TSHZ2: variants seen among roughly 807,000 people sequenced by gnomAD.
TSHZ2 encodes the protein teashirt homolog 2.
TSHZ2 carries 21 observed loss-of-function variants against 74.4 expected under a neutral mutation model. That is an observed-to-expected ratio of 0.28 (90% confidence interval 0.20 to 0.41). The LOEUF (loss-of-function observed/expected upper bound fraction) is 0.41. Among genes scored for constraint, TSHZ2 ranks in the 10% least tolerant of loss-of-function variants. The pLI is 1.00. For synonymous variants in TSHZ2, 540 were observed against 515.3 expected (o/e 1.05, Z -0.65); for missense variants, 1,244 against 1,293.5 (o/e 0.96, Z 0.59).
intron 1 of TSHZ2, among the ~76,000 whole-genome samples, chr20:53,106,787 T>C (rs1384173606): frequency 1.4e-5 from 2 of 147,412 alleles, no homozygotes; most frequent in Non-Finnish European, 3.0e-5. Flanking sequence ...AACCTCCACC[T>C]CCCAGGTTCA....
chr20:53,035,242 C>A (rs192813033), intron 1 of TSHZ2, among the ~76,000 whole-genome samples: 2 of 152,288 alleles, frequency 1.3e-5, no homozygotes, highest in East Asian at 3.9e-4. Context: ...GCCTTGATCT[C>A]CATAGCAATG....
intron 1 of TSHZ2, among the ~76,000 whole-genome samples, chr20:53,040,412 A>G (rs1006550455): frequency 2.0e-5 from 3 of 152,118 alleles, no homozygotes; most frequent in African/African-American, 7.2e-5. Context: ...TGTGCTAAAT[A>G]TCTCAGCCTT....
rs58457116 is a variant in TSHZ2, at chr20:53,207,858, C to CTT, written c.41-45619_41-45618dup. Among the ~76,000 whole-genome samples, 898 of 96,634 alleles carry CTT rather than the reference C, an allele frequency of 9.3e-3. 14 individuals are homozygous for CTT. Among genetic ancestry groups the CTT allele is most frequent in the South Asian group, 0.017 (45 of 2,682 alleles). The allele number at this position is 96,634 out of a possible 152,430, so 63.4% of individuals were successfully genotyped here. ...CATCGTGCCCAGATACATTGTTTTA[C>CTT]TTTTTTTTTTTTTTTTTTTTTTTGA... On this transcript the variant is annotated intron_variant, in intron 1 of 2. Transcript: ENST00000371497.
chr20:53,222,817 T>A (rs1989594589), intron 1 of TSHZ2, among the ~76,000 whole-genome samples: 1 of 152,170 alleles, frequency 6.6e-6, no homozygotes, highest in Non-Finnish European at 1.5e-5. Flanking sequence ...AGAAGCCTAT[T>A]TAAAACACTT....
At chr20:53,036,296 G>C (rs12624658) in intron 1 of TSHZ2, among the ~76,000 whole-genome samples, 2 of 152,118 alleles carry the variant, frequency 1.3e-5, no homozygotes, top group South Asian at 4.2e-4. Context: ...TATCTGCTTT[G>C]TGCAAGACAC....
intron 2 of TSHZ2, among the ~76,000 whole-genome samples, chr20:53,377,756 G>A (rs539017987): frequency 1.2e-4 from 19 of 152,236 alleles, no homozygotes; most frequent in African/African-American, 2.9e-4. Context: ...CCAGTTACTC[G>A]AGAGGCTGAG....
At chr20:53,235,108 G>A (rs1989910848) in intron 1 of TSHZ2, among the ~76,000 whole-genome samples, 1 of 130,486 alleles carries the variant, frequency 7.7e-6, no homozygotes, top group African/African-American at 2.9e-5. Flanking sequence ...TGGGTCTTGG[G>A]TCTCTGAGCT....
intron 1 of TSHZ2, among the ~76,000 whole-genome samples, chr20:53,106,987 C>A (rs1250961228): frequency 1.3e-5 from 2 of 152,134 alleles, no homozygotes; most frequent in African/African-American, 4.8e-5. Context: ...CGTGAGCCAC[C>A]GCGCCTGGCC....
At chr20:53,326,800 A>G (rs1979512057) in intron 2 of TSHZ2, among the ~76,000 whole-genome samples, 1 of 152,276 alleles carries the variant, frequency 6.6e-6, no homozygotes, top group Non-Finnish European at 1.5e-5. Flanking sequence ...AGCCTATATC[A>G]GCAAACCTCT....
chr20:53,381,180 T>C (rs928389518), intron 2 of TSHZ2, among the ~76,000 whole-genome samples: 1 of 152,218 alleles, frequency 6.6e-6, no homozygotes, highest in Admixed American at 6.5e-5. Context: ...ATGAAGTTAG[T>C]CCACAGCACA....
At chr20:53,375,161 A>G (rs1163118011) in intron 2 of TSHZ2, among the ~76,000 whole-genome samples, 1 of 152,198 alleles carries the variant, frequency 6.6e-6, no homozygotes, top group African/African-American at 2.4e-5. Flanking sequence ...AACACTGGTC[A>G]ATTTTTTAAA....
In TSHZ2 at chr20:53,187,899, G is replaced by A. The variant is rs749130351; in HGVS notation, c.41-65600G>A. ...ATGCATACCTCCCATCTCCAAAAGCGTGGCTCAGGCAGCTCCTGCTACCCT... is the reference window on the plus strand; with the variant it reads ...ATGCATACCTCCCATCTCCAAAAGCATGGCTCAGGCAGCTCCTGCTACCCT... On this transcript the variant is annotated intron_variant, in intron 1 of 2. Transcript: ENST00000371497. Among the ~76,000 whole-genome samples the A allele has an allele frequency of 2.8e-4, 43 of 152,068 alleles. 1 individual carries two copies. The highest frequency in any genetic ancestry group is 5.4e-4 in the Non-Finnish European group (37 of 68,006).
At chr20:53,084,698 CCTCTCTCCCT>C (rs1985642982) in intron 1 of TSHZ2, among the ~76,000 whole-genome samples, 2 of 130,176 alleles carry the variant, frequency 1.5e-5, no homozygotes, top group Admixed American at 1.6e-4. Context: ...TCCCTCTCTC[CCTCTCTCCCT>C]CTCTCCTTCC....
chr20:53,461,329 T>G (rs1985361787), intron 2 of TSHZ2: 2 of 153,132 alleles, frequency 1.3e-5, no homozygotes, highest in African/African-American at 4.8e-5. Flanking sequence ...CCCTTTTCTT[T>G]GATTAGGAAA....
At chr20:53,039,537 A>G (rs1459372824) in intron 1 of TSHZ2, among the ~76,000 whole-genome samples, 3 of 152,164 alleles carry the variant, frequency 2.0e-5, no homozygotes, top group African/African-American at 7.2e-5. Context: ...ACAAATAAAA[A>G]TCTCTACTCT....
chr20:53,192,934 G>A (rs1988773014), intron 1 of TSHZ2, among the ~76,000 whole-genome samples: 1 of 152,172 alleles, frequency 6.6e-6, no homozygotes, highest in Non-Finnish European at 1.5e-5. Context: ...GGATGCTAAG[G>A]TGTCACTGAG....
intron 1 of TSHZ2, among the ~76,000 whole-genome samples, chr20:53,018,365 G>T (rs565547852): frequency 3.9e-5 from 6 of 152,178 alleles, no homozygotes; most frequent in Non-Finnish European, 7.4e-5. Flanking sequence ...GTTTTCAGGG[G>T]CATGAAGTGA....
intron 2 of TSHZ2, among the ~76,000 whole-genome samples, chr20:53,430,820 G>A (rs780773334): frequency 1.3e-5 from 2 of 152,102 alleles, no homozygotes; most frequent in African/African-American, 2.4e-5. Context: ...GTGCAGTGGC[G>A]TGGTCTCGGC....
chr20:53,079,272 T>C (rs1293442), intron 1 of TSHZ2, among the ~76,000 whole-genome samples: 142,021 of 152,190 alleles, frequency 0.93, 66,360 homozygotes, highest in African/African-American at 0.98. Flanking sequence ...GTGAACTTAG[T>C]AAAAGCATTC....
Sources: allele counts gnomAD v4.1 joint callset (sites outside exome capture counted in the v4.1 genomes callset), GRCh38; gene constraint gnomAD v4.1.1; transcripts MANE v1.5; gene names NCBI Gene and HGNC (gene_info 2026-07-23, HGNC 2026-07-21).